Variants in KIAA1217 observed in about 807,000 individuals in gnomAD.
The protein encoded by KIAA1217 is sickle tail protein homolog.
KIAA1217 carries 88 observed loss-of-function variants against 163.9 expected under a neutral mutation model. The observed-to-expected ratio is 0.54, with a 90% confidence interval of 0.45 to 0.64. The LOEUF (loss-of-function observed/expected upper bound fraction) is 0.64. Among genes scored for constraint, KIAA1217 ranks in the 30% least tolerant of loss-of-function variants. KIAA1217 has a pLI of 0.00. For missense variants in KIAA1217, 2,372 were observed against 2,475.0 expected, an observed-to-expected ratio of 0.96 and a Z score of 0.88; for synonymous variants, 903 against 923.1, an observed-to-expected ratio of 0.98 and a Z score of 0.39.
At chr10:24,201,929 T>A (rs200194852) in intron 2 of KIAA1217, among the ~76,000 whole-genome samples, 2 of 28,154 alleles carry the variant, frequency 7.1e-5, no homozygotes. Context: ...TGATCACCCC[T>A]GATCCTCCTA....
chr10:24,400,360 G>T (rs1194420028), intron 3 of KIAA1217, among the ~76,000 whole-genome samples: 1 of 152,198 alleles, frequency 6.6e-6, no homozygotes, highest in Non-Finnish European at 1.5e-5. Context: ...CACAACCACT[G>T]TTTATTTCTT....
chr10:23,890,010 C>G (rs1841354032), intron 1 of KIAA1217, among the ~76,000 whole-genome samples: 1 of 151,636 alleles, frequency 6.6e-6, no homozygotes, highest in Admixed American at 6.6e-5. Context: ...TCTAATTCCT[C>G]TAAGATTTTA....
chr10:23,947,348 C>T (rs16924113), intron 1 of KIAA1217, among the ~76,000 whole-genome samples: 30,371 of 152,148 alleles, frequency 0.2, 3,299 homozygotes, highest in Middle Eastern at 0.27. Context: ...GCCAAAACCA[C>T]GATTATGACT....
At chr10:23,708,153 G>A (rs1837009721) in intron 1 of KIAA1217, among the ~76,000 whole-genome samples, 1 of 152,008 alleles carries the variant, frequency 6.6e-6, no homozygotes, top group South Asian at 2.1e-4. Flanking sequence ...AAGTGAAAGG[G>A]GCTTCCCCTA....
intron 3 of KIAA1217, among the ~76,000 whole-genome samples, chr10:24,395,730 T>C (rs1358730332): frequency 6.6e-6 from 1 of 152,126 alleles, no homozygotes. Flanking sequence ...TGGAGTTCGG[T>C]GGTGCAGTCA....
chr10:23,951,929 C>T (rs955166115), intron 1 of KIAA1217, among the ~76,000 whole-genome samples: 1 of 152,132 alleles, frequency 6.6e-6, no homozygotes, highest in South Asian at 2.1e-4. Flanking sequence ...CCAAGGTAAA[C>T]ATACATGAAG....
chr10:24,466,517 G>C (rs1474278691), intron 5 of KIAA1217: 1 of 985,274 alleles, frequency 1.0e-6, no homozygotes, highest in South Asian at 4.7e-5. Context: ...CACGGGGAAG[G>C]TTACTTTTTA....
At chr10:24,163,304 C>T (rs1375308375) in intron 2 of KIAA1217, among the ~76,000 whole-genome samples, 1 of 152,192 alleles carries the variant, frequency 6.6e-6, no homozygotes, top group African/African-American at 2.4e-5. Flanking sequence ...CTTTGGAATG[C>T]TGGTTAACCT....
chr10:24,048,793 G>A (rs904585467), intron 2 of KIAA1217, among the ~76,000 whole-genome samples: 6 of 151,666 alleles, frequency 4.0e-5, no homozygotes, highest in Non-Finnish European at 7.4e-5. Flanking sequence ...AGCACTTTGG[G>A]CGGCCGAGGC....
chr10:24,239,693 G>T (rs35155304), intron 2 of KIAA1217, among the ~76,000 whole-genome samples: 35,892 of 141,180 alleles, frequency 0.25, 4,559 homozygotes, highest in East Asian at 0.38. Context: ...GTGTGTGTGT[G>T]TGTTTGTGTG....
intron 2 of KIAA1217, among the ~76,000 whole-genome samples, chr10:24,199,004 AG>A (rs1363331501): frequency 3.3e-5 from 5 of 152,190 alleles, no homozygotes; most frequent in African/African-American, 1.2e-4. Flanking sequence ...AGACCAGGTG[AG>A]GCAAGGAATT....
chr10:24,271,960 C>G (rs1429114786), intron 2 of KIAA1217, among the ~76,000 whole-genome samples: 1 of 152,080 alleles, frequency 6.6e-6, no homozygotes, highest in African/African-American at 2.4e-5. Context: ...TTTTATGCAT[C>G]TCCATTTTAG....
intron 2 of KIAA1217, among the ~76,000 whole-genome samples, chr10:24,023,127 T>C (rs567587414): frequency 6.6e-6 from 1 of 151,788 alleles, no homozygotes; most frequent in African/African-American, 2.4e-5. Flanking sequence ...AAACTGCCAT[T>C]ATTTACTACT....
Position 24,546,439 on chromosome 10 carries a change from C to A in KIAA1217, c.*115C>A. 1.9e-6 allele frequency: 2 copies of A among 1,072,798 alleles called. No homozygotes were observed. The highest frequency in any genetic ancestry group is 2.6e-6 in the Non-Finnish European group (2 of 755,530). 66.5% of individuals were successfully genotyped at this position (1,072,798 alleles called of 1,614,324 possible). A position where few individuals can be genotyped will look rare whatever the true frequency, so the allele number is the denominator to read the frequency against. ...TTGCTGTATCGTTTGAGGCTTAATG[C>A]TAAATATGTGCTAAATACTGGATTA... On this transcript the variant is annotated 3_prime_UTR_variant, in exon 21 of 21. Coordinates refer to ENST00000376454, the MANE Select transcript of KIAA1217 (RefSeq NM_019590.5).
At chr10:24,358,649 CATGGG>C (rs1229786395) in intron 2 of KIAA1217, among the ~76,000 whole-genome samples, 1 of 152,226 alleles carries the variant, frequency 6.6e-6, no homozygotes, top group Admixed American at 6.5e-5. Flanking sequence ...TGTGCTGTGG[CATGGG>C]TTGTCCAGTC....
chr10:23,807,953 G>A (rs1050023683), intron 1 of KIAA1217, among the ~76,000 whole-genome samples: 1 of 152,218 alleles, frequency 6.6e-6, no homozygotes, highest in Non-Finnish European at 1.5e-5. Flanking sequence ...AGAAAGGGCT[G>A]CCTTGTCAAT....
chr10:24,376,786 A>G (rs1292834924), intron 2 of KIAA1217, among the ~76,000 whole-genome samples: 1 of 152,162 alleles, frequency 6.6e-6, no homozygotes, highest in Non-Finnish European at 1.5e-5. Flanking sequence ...TGAATGACCA[A>G]CCAACCAATC....
chr10:23,801,551 T>G (rs1278102955), intron 1 of KIAA1217, among the ~76,000 whole-genome samples: 1 of 152,196 alleles, frequency 6.6e-6, no homozygotes, highest in Admixed American at 6.5e-5. Context: ...TCCAAGGGTT[T>G]AATTGAGAAT....
intron 1 of KIAA1217, among the ~76,000 whole-genome samples, chr10:23,720,309 A>C (rs74122379): frequency 0.061 from 9,268 of 152,222 alleles, 952 homozygotes; most frequent in African/African-American, 0.21. Flanking sequence ...TAATGTCTAA[A>C]TTGTAAAACT....
Sources: allele counts gnomAD v4.1 joint callset (sites outside exome capture counted in the v4.1 genomes callset), GRCh38; gene constraint gnomAD v4.1.1; transcripts MANE v1.5; gene names NCBI Gene and HGNC (gene_info 2026-07-23, HGNC 2026-07-21).